SERINC5: variants seen among roughly 807,000 people sequenced by gnomAD.
The protein encoded by SERINC5 is chromosome 5 open reading frame 12.
A neutral mutation model predicts 63.1 loss-of-function variants in SERINC5; 41 were observed. The observed-to-expected ratio is 0.65, with a 90% confidence interval of 0.51 to 0.84. The LOEUF (loss-of-function observed/expected upper bound fraction) is 0.84. SERINC5 is among the 40% of genes least tolerant of loss of function. SERINC5 has a pLI of 0.00. For synonymous variants in SERINC5, 222 were observed against 215.2 expected (o/e 1.03, Z -0.28); for missense variants, 523 against 573.0 (o/e 0.91, Z 0.89).
chr5:80,234,044 T>C (rs906825214), intron 1 of SERINC5, among the ~76,000 whole-genome samples: 1 of 152,042 alleles, frequency 6.6e-6, no homozygotes, highest in Non-Finnish European at 1.5e-5. Context: ...ACTCCTGAAC[T>C]CGTGATCCGT....
intron 1 of SERINC5, among the ~76,000 whole-genome samples, chr5:80,253,812 G>C (rs1231752648): frequency 6.6e-6 from 1 of 152,212 alleles, no homozygotes; most frequent in African/African-American, 2.4e-5. Context: ...AGGCCATTGA[G>C]AGCAGAGATG....
chr5:80,138,862 T>C lies in SERINC5; in HGVS notation c.*4801A>G. On this transcript the variant is annotated 3_prime_UTR_variant, in exon 12 of 12. Coordinates refer to ENST00000507668, the MANE Select transcript of SERINC5 (RefSeq NM_001174072.3). ...CTAACTTGAGTACTTTAATTATATA[T>C]GTATCTAGCAGAAGAGAAAAAAACA... The C allele has an allele frequency of 2.0e-6, 2 of 976,690 alleles. No homozygotes were observed. Among genetic ancestry groups the C allele is most frequent in the African/African-American group, 1.7e-5 (1 of 57,194 alleles). The allele number at this position is 976,690 out of a possible 1,614,324, so 60.5% of individuals were successfully genotyped here.
intron 11 of SERINC5, among the ~76,000 whole-genome samples, chr5:80,114,270 C>A (rs919519499): frequency 2.0e-5 from 3 of 151,958 alleles, no homozygotes; most frequent in African/African-American, 7.3e-5. Context: ...AGGAAACTTA[C>A]AATCATGGCA....
At chr5:80,203,153 CG>C in intron 1 of SERINC5, 100 bp from the exon 2 acceptor site, 3 of 1,208,626 alleles carry the variant, frequency 2.5e-6, no homozygotes, top group Admixed American at 2.2e-5. Context: ...CCCTGCTACT[CG>C]GGGGGCTGGA....
intron 4 of SERINC5, among the ~76,000 whole-genome samples, chr5:80,176,804 T>C (rs1448738958): frequency 2.6e-5 from 4 of 152,164 alleles, no homozygotes; most frequent in Non-Finnish European, 5.9e-5. Flanking sequence ...TCTGAACCAC[T>C]GAAATTCAGG....
At chr5:80,133,277 G>A (rs1325653027) in intron 11 of SERINC5, among the ~76,000 whole-genome samples, 1 of 152,140 alleles carries the variant, frequency 6.6e-6, no homozygotes, top group African/African-American at 2.4e-5. Context: ...CCAGTCTTGG[G>A]TATTCCTTTA....
chr5:80,254,427 T>C (rs1023751183), intron 1 of SERINC5, among the ~76,000 whole-genome samples: 4 of 151,906 alleles, frequency 2.6e-5, no homozygotes, highest in African/African-American at 9.7e-5. Flanking sequence ...ATAATTCTTT[T>C]ACAAAACCCA....
Position 80,142,360 on chromosome 5 carries a change from G to C in SERINC5, c.*1303C>G, listed in dbSNP as rs140152036. 5.3e-5 allele frequency: 46 copies of C among 860,988 alleles called. No homozygotes were observed. In the Admixed American group the frequency reaches 9.3e-4, roughly 17 times the overall value. 53.3% of individuals were successfully genotyped at this position (860,988 alleles called of 1,614,324 possible). On this transcript the variant is annotated 3_prime_UTR_variant, in exon 12 of 12. Transcript: ENST00000507668. ...GTGATTCTCATGCCTCAGCCTTCGAGTAGCTGGCATTACAGGCACACGCTA... is the reference window on the plus strand; with the variant it reads ...GTGATTCTCATGCCTCAGCCTTCGACTAGCTGGCATTACAGGCACACGCTA...
chr5:80,141,562 C>A lies in SERINC5; in HGVS notation c.*2101G>T. 2.8e-5 allele frequency: 28 copies of A among 985,512 alleles called. 1 individual carries two copies. Among genetic ancestry groups the A allele is most frequent in the Non-Finnish European group, 3.4e-5 (28 of 830,012 alleles). 61.0% of individuals were successfully genotyped at this position (985,512 alleles called of 1,614,324 possible). The stretch of plus-strand genomic sequence containing the variant: ...AGGAGGAAAACAATGAAACTAGTCA[C>A]AATACTGCCCAGGCTCTTTACCTGC... On this transcript the variant is annotated 3_prime_UTR_variant, in exon 12 of 12. Coordinates refer to ENST00000507668, the MANE Select transcript of SERINC5 (RefSeq NM_001174072.3).
intron 2 of SERINC5, chr5:80,198,777 C>G (rs906635987): frequency 1.2e-6 from 1 of 858,332 alleles, no homozygotes; most frequent in African/African-American, 1.8e-5. Flanking sequence ...GGCCAGCTCC[C>G]TTGTGAGGCC....
intron 2 of SERINC5, among the ~76,000 whole-genome samples, chr5:80,192,768 T>TGATGAG (rs1749268599): frequency 6.6e-6 from 1 of 152,182 alleles, no homozygotes; most frequent in Non-Finnish European, 1.5e-5. Context: ...TGCTCAGCCC[T>TGATGAG]GATGAGGAGG....
rs141453386 is a variant in SERINC5 at position 80,143,383 on chromosome 5, T to C, written c.*280A>G. 1.8e-3 allele frequency: 2,021 copies of C among 1,138,786 alleles called. 2 individuals carry two copies. Among genetic ancestry groups the C allele is most frequent in the Middle Eastern group, 6.0e-3 (16 of 2,660 alleles). 70.5% of individuals were successfully genotyped at this position (1,138,786 alleles called of 1,614,324 possible). A position where few individuals can be genotyped will look rare whatever the true frequency, so the allele number is the denominator to read the frequency against. On this transcript the variant is annotated 3_prime_UTR_variant, in exon 12 of 12. Transcript: ENST00000507668. ...CCCAAATTCTGTTTTGGCAAAAACA[T>C]GCAGAAGGAAGTCAACATAACTGGT...
intron 11 of SERINC5, among the ~76,000 whole-genome samples, chr5:80,131,897 G>A (rs1231721392): frequency 6.6e-6 from 1 of 152,102 alleles, no homozygotes; most frequent in Non-Finnish European, 1.5e-5. Flanking sequence ...CTGTAATACT[G>A]TAAATTCCAG....
In SERINC5 at chr5:80,183,444, G is replaced by C. The variant is rs553212524; in HGVS notation, c.196-5380C>G. ...GAACAGCAATTGGGGCTGGATACAG[G>C]AAGTGTCAGGCCTCTGAGCCTAAGC... On this transcript the variant is annotated intron_variant, in intron 2 of 11. Coordinates refer to ENST00000507668, the MANE Select transcript of SERINC5 (RefSeq NM_001174072.3). Among the ~76,000 whole-genome samples the C allele has an allele frequency of 5.8e-4, 88 of 152,194 alleles. 1 individual carries two copies. Among genetic ancestry groups the C allele is most frequent in the Middle Eastern group, 6.8e-3 (2 of 294 alleles).
At chr5:80,177,574 GACTC>G (rs1435953540) in intron 3 of SERINC5, among the ~76,000 whole-genome samples, 177 bp from the exon 4 acceptor site, 1 of 152,206 alleles carries the variant, frequency 6.6e-6, no homozygotes, top group African/African-American at 2.4e-5. Flanking sequence ...TAATTAGGCA[GACTC>G]AGTGCAGCCT....
intron 2 of SERINC5, among the ~76,000 whole-genome samples, chr5:80,188,486 G>A (rs1259124699): frequency 1.3e-5 from 2 of 151,998 alleles, no homozygotes; most frequent in East Asian, 3.9e-4. Flanking sequence ...CCAGGTGTGA[G>A]TGGATCTTTC....
chr5:80,146,524 G>A (rs1463544984), intron 10 of SERINC5, among the ~76,000 whole-genome samples: 1 of 152,156 alleles, frequency 6.6e-6, no homozygotes, highest in South Asian at 2.1e-4. Flanking sequence ...ATGATCTTGG[G>A]TCACTGCAAC....
downstream of SERINC5, among the ~76,000 whole-genome samples, chr5:80,135,717 T>A (rs1459582328): frequency 6.6e-6 from 1 of 151,840 alleles, no homozygotes; most frequent in Non-Finnish European, 1.5e-5. Flanking sequence ...AAAGCTTTAT[T>A]GTGGCGAGTT....
At chr5:80,216,256 C>T (rs1750658700) in intron 1 of SERINC5, among the ~76,000 whole-genome samples, 1 of 152,166 alleles carries the variant, frequency 6.6e-6, no homozygotes, top group Non-Finnish European at 1.5e-5. Context: ...AGCAGCGCCC[C>T]TCCCTGCCTC....
Sources: gnomAD v4.1 joint callset for allele counts (sites outside exome capture counted in the v4.1 genomes callset) on GRCh38, gnomAD v4.1.1 for gene constraint, MANE v1.5 for transcripts, NCBI Gene and HGNC (gene_info 2026-07-23, HGNC 2026-07-21) for gene names.